Variants in ATR observed in about 807,000 individuals in gnomAD.
The protein encoded by ATR is ATR checkpoint kinase, also known as serine/threonine-protein kinase ATR.
Under a neutral mutation model 305.3 loss-of-function variants are expected in ATR, and 142 were observed. The observed-to-expected ratio is 0.47, with a 90% CI of 0.41 to 0.53. The LOEUF (loss-of-function observed/expected upper bound fraction) is 0.53. ATR is among the 20% of genes least tolerant of loss of function. ATR has a pLI of 0.00. For missense variants in ATR, 2,135 were observed against 3,133.1 expected, an observed-to-expected ratio of 0.68 and a Z score of 7.60; for synonymous variants, 1,050 against 1,068.1, an observed-to-expected ratio of 0.98 and a Z score of 0.33.
intron 27 of ATR, 97 bp from the exon 28 acceptor site, chr3:142,508,206 A>G: frequency 1.0e-6 from 1 of 979,560 alleles, no homozygotes; most frequent in Non-Finnish European, 1.5e-6. Flanking sequence ...CACTAAACAA[A>G]TTAATCTGAA....
At chr3:142,569,456 C>T (rs1189865402) in intron 1 of ATR, among the ~76,000 whole-genome samples, 1 of 151,958 alleles carries the variant, frequency 6.6e-6, no homozygotes, top group African/African-American at 2.4e-5. Flanking sequence ...GAGTAGCTGG[C>T]ACCACAGGTG....
intron 38 of ATR, 132 bp from the exon 39 acceptor site, chr3:142,468,200 T>C: frequency 1.8e-6 from 2 of 1,117,400 alleles, no homozygotes; most frequent in South Asian, 2.9e-5. Context: ...TTTCTGAAAA[T>C]TTATTTGGCA....
chr3:142,520,435 C>G (rs909296368), intron 23 of ATR, among the ~76,000 whole-genome samples: 1 of 152,010 alleles, frequency 6.6e-6, no homozygotes, highest in Non-Finnish European at 1.5e-5. Context: ...TGTCTTGCAC[C>G]TAACAGCCAA....
chr3:142,523,914 A>T, intron 22 of ATR, 79 bp downstream of exon 22: 1 of 1,421,828 alleles, frequency 7.0e-7, no homozygotes, highest in Admixed American at 1.8e-5. Flanking sequence ...GGATAAGCTG[A>T]ATAGTTCTTT....
At chr3:142,456,011 T>G (rs2070896893) in intron 45 of ATR, among the ~76,000 whole-genome samples, 6 of 152,178 alleles carry the variant, frequency 3.9e-5, no homozygotes, top group Admixed American at 3.9e-4. Flanking sequence ...GTATCCAAAA[T>G]GTGTAAAGAA....
rs2071098193 is a variant in ATR, at chr3:142,465,122, A to T, written c.7016T>A (p.Met2339Lys). 1 of 1,569,696 alleles carries T rather than the reference A, an allele frequency of 6.4e-7. No homozygotes were observed. The highest frequency in any genetic ancestry group is 8.7e-7 in the Non-Finnish European group (1 of 1,155,946). Residue 2339 changes from methionine (M) to lysine (K), a missense_variant, in exon 41 of 47, where the codon ATG becomes AAG. Physicochemically the swap from Met to Lys is moderately conservative, Grantham distance 95 (BLOSUM62 -1). Transcript: ENST00000350721. ...KDDLRKDCRL[M>K]EFNSLINKCL... is the part of the protein sequence containing the mutation. Reference sequence around the variant, plus strand: ...CTTATTAATCAAGGAATTGAATTCCATTAGTCTACAATCCTTTCTCAGGTC... The same window carrying T: ...CTTATTAATCAAGGAATTGAATTCCTTTAGTCTACAATCCTTTCTCAGGTC...
At chr3:142,540,310 G>A (rs747003719) in intron 18 of ATR, among the ~76,000 whole-genome samples, 2 of 152,086 alleles carry the variant, frequency 1.3e-5, no homozygotes, top group Non-Finnish European at 2.9e-5. Flanking sequence ...TTCATTTATA[G>A]TCTAATTCAA....
intron 24 of ATR, among the ~76,000 whole-genome samples, chr3:142,518,505 A>G (rs1331099997): frequency 6.6e-6 from 1 of 152,228 alleles, no homozygotes. Flanking sequence ...CAACAGAGTG[A>G]GACTCTGTCT....
intron 36 of ATR, chr3:142,472,101 G>GTGTGTC (rs1553753353): frequency 6.9e-4 from 105 of 151,730 alleles, no homozygotes; most frequent in African/African-American, 2.1e-3. Flanking sequence ...GTGTGTGTGT[G>GTGTGTC]TGTGTGTGTG....
intron 16 of ATR, among the ~76,000 whole-genome samples, chr3:142,543,983 T>G (rs981317525): frequency 6.6e-6 from 1 of 152,118 alleles, no homozygotes; most frequent in Non-Finnish European, 1.5e-5. Flanking sequence ...GTTAATACTT[T>G]CTTAAGAGAA....
intron 23 of ATR, among the ~76,000 whole-genome samples, chr3:142,521,396 G>A (rs948473957): frequency 6.6e-6 from 1 of 152,156 alleles, no homozygotes; most frequent in Non-Finnish European, 1.5e-5. Context: ...CCATTTTGCA[G>A]CCCGTGTATC....
In ATR at chr3:142,503,400, A is replaced by G. The variant is rs771065082; in HGVS notation, c.5250T>C (p.Ser1750=). 1 of 1,608,908 alleles carries G rather than the reference A, an allele frequency of 6.2e-7. No individual in the cohort carries two copies. The highest frequency in any genetic ancestry group is 1.1e-5 in the South Asian group (1 of 90,862). ...CTCCATTCACCTGAGTGATAACAGT[A>G]GACAGCTGACCAAGACCTAACATGG... ...VKSMLGLGQL[S]TVITQVNGVH... The change falls in exon 30 of 47, where the codon TCT becomes TCC. Residue 1750 remains serine, a synonymous_variant. Coordinates refer to ENST00000350721, the MANE Select transcript of ATR (RefSeq NM_001184.4).
chr3:142,506,300 T>C (rs2032232608), intron 28 of ATR, among the ~76,000 whole-genome samples: 1 of 152,054 alleles, frequency 6.6e-6, no homozygotes, highest in Non-Finnish European at 1.5e-5. Context: ...GAGAAATTAA[T>C]TACACTAGAG....
chr3:142,556,871 A>AT (rs2034691599), intron 8 of ATR, among the ~76,000 whole-genome samples: 2 of 152,114 alleles, frequency 1.3e-5, no homozygotes, highest in South Asian at 4.1e-4. Context: ...ACTCCATGAC[A>AT]TTTTTTATTT....
Position 142,459,474 on chromosome 3 carries a change from C to A in ATR, c.7193-91G>T. ...GTTAAAATTGGACAAGAAACATCTA[C>A]TTTTATTCAAATTGTTATTGAAAAA... On this transcript the variant is annotated intron_variant, in intron 42 of 46. Coordinates refer to ENST00000350721, the MANE Select transcript of ATR (RefSeq NM_001184.4). 2.2e-6 allele frequency: 3 copies of A among 1,387,510 alleles called. No individual in the cohort carries two copies. In the South Asian group the frequency reaches 3.7e-5, roughly 17 times the overall value. 85.9% of individuals were successfully genotyped at this position (1,387,510 alleles called of 1,614,324 possible).
chr3:142,538,821 T>C (rs1163700070), intron 18 of ATR, among the ~76,000 whole-genome samples, 196 bp from the exon 19 acceptor site: 1 of 151,918 alleles, frequency 6.6e-6, no homozygotes. Context: ...AAAAGCAAGG[T>C]GAAAAACAGT....
intron 18 of ATR, 114 bp from the exon 19 acceptor site, chr3:142,538,739 C>A: frequency 7.6e-7 from 1 of 1,317,428 alleles, no homozygotes. Context: ...GATTAAAAGG[C>A]AGCTTTAAAC....
At chr3:142,537,990 G>A (rs987866819) in intron 19 of ATR, among the ~76,000 whole-genome samples, 4 of 152,260 alleles carry the variant, frequency 2.6e-5, no homozygotes, top group Non-Finnish European at 5.9e-5. Context: ...ATCTCAGAAT[G>A]CCTTTGTATG....
At chr3:142,521,716 A>G (rs1418672508) in intron 23 of ATR, among the ~76,000 whole-genome samples, 2 of 152,186 alleles carry the variant, frequency 1.3e-5, no homozygotes, top group African/African-American at 4.8e-5. Context: ...TAGAGTTAGA[A>G]GTGGAGCCTG....
Sources: gnomAD v4.1 joint callset for allele counts (sites outside exome capture counted in the v4.1 genomes callset) on GRCh38, gnomAD v4.1.1 for gene constraint, MANE v1.5 for transcripts, NCBI Gene and HGNC (gene_info 2026-07-23, HGNC 2026-07-21) for gene names.